C2orf92: variants seen among roughly 807,000 people sequenced by gnomAD.
C2orf92 encodes the protein chromosome 2 open reading frame 92, also known as uncharacterized protein C2orf92.
At chr2:97,693,277 C>T (rs905543844) in intron 5 of C2orf92, among the ~76,000 whole-genome samples, 6 of 152,116 alleles carry the variant, frequency 3.9e-5, no homozygotes, top group Admixed American at 2.6e-4. Context: ...GTAAATAATG[C>T]TGCAATGAAT....
At chr2:97,675,323 CAT>C (rs1045618281) in intron 2 of C2orf92, among the ~76,000 whole-genome samples, 9 of 152,198 alleles carry the variant, frequency 5.9e-5, no homozygotes, top group African/African-American at 1.2e-4. Flanking sequence ...ATTGAGAAAA[CAT>C]ATGAATATTT....
chr2:97,696,687 G>GA (rs756278819), intron 5 of C2orf92, among the ~76,000 whole-genome samples: 5 of 152,322 alleles, frequency 3.3e-5, no homozygotes, highest in South Asian at 4.1e-4. Context: ...GGTGAGCCGA[G>GA]ATGGGGCCAC....
intron 3 of C2orf92, among the ~76,000 whole-genome samples, chr2:97,680,912 C>T (rs1330880292): frequency 1.3e-5 from 2 of 151,542 alleles, no homozygotes; most frequent in African/African-American, 2.4e-5. Context: ...GGAGACAGAG[C>T]GAGACTCCGT....
upstream of C2orf92, chr2:97,666,827 AG>A (rs1675246906): frequency 7.3e-6 from 1 of 137,198 alleles, no homozygotes; most frequent in Non-Finnish European, 1.5e-5. Flanking sequence ...TGGGTGACAG[AG>A]CCAGACTCTG....
intron 3 of C2orf92, among the ~76,000 whole-genome samples, chr2:97,679,093 T>C (rs1675675520): frequency 6.6e-6 from 1 of 151,462 alleles, no homozygotes; most frequent in Admixed American, 6.6e-5. Flanking sequence ...AAACAAAAGC[T>C]GAGAGACCCG....
intron 3 of C2orf92, among the ~76,000 whole-genome samples, chr2:97,679,325 A>G (rs60396173): frequency 1.4e-3 from 214 of 152,332 alleles, no homozygotes; most frequent in African/African-American, 4.7e-3. Context: ...CATACAGTGT[A>G]TAAAGATAGA....
intron 1 of C2orf92, 195 bp from the exon 2 acceptor site, chr2:97,674,261 C>A (rs57183691): frequency 0.022 from 8,502 of 381,192 alleles, 598 homozygotes; most frequent in African/African-American, 0.16. Flanking sequence ...TTTGCTGCCC[C>A]AAATGTCTCA....
At chr2:97,686,669 C>T (rs904531719) in intron 3 of C2orf92, among the ~76,000 whole-genome samples, 3 of 151,978 alleles carry the variant, frequency 2.0e-5, no homozygotes, top group South Asian at 2.1e-4. Flanking sequence ...CTGCCCACCT[C>T]GGCCTCCCAA....
chr2:97,690,142 AAAC>A, intron 4 of C2orf92, 111 bp from the exon 5 acceptor site: 1 of 373,830 alleles, frequency 2.7e-6, no homozygotes, highest in Non-Finnish European at 4.8e-6. Context: ...AGACAAAAAA[AAAC>A]CACAAAAAAA....
At chr2:97,675,510 A>G (rs1201202732) in intron 2 of C2orf92, 1 of 227,962 alleles carries the variant, frequency 4.4e-6, no homozygotes, top group Non-Finnish European at 8.4e-6. Context: ...ATTGGATCAA[A>G]GTGGTTGTAC....
chr2:97,689,034 A>C (rs374003545), intron 4 of C2orf92, 41 bp downstream of exon 4: 1 of 398,206 alleles, frequency 2.5e-6, no homozygotes, highest in South Asian at 1.3e-4. Flanking sequence ...ACACATTTCT[A>C]TAGGCCTATG....
intron 3 of C2orf92, among the ~76,000 whole-genome samples, chr2:97,679,220 T>C (rs1409587557): frequency 6.6e-6 from 1 of 152,132 alleles, no homozygotes; most frequent in African/African-American, 2.4e-5. Flanking sequence ...CTAAAAGTCT[T>C]ATTGTACTTT....
chr2:97,675,526 A>G (rs1675544999), intron 2 of C2orf92: 1 of 255,964 alleles, frequency 3.9e-6, no homozygotes, highest in African/African-American at 2.2e-5. Flanking sequence ...TGTACTTGAA[A>G]TCATTTGCCA....
intron 3 of C2orf92, among the ~76,000 whole-genome samples, chr2:97,678,677 A>G (rs575763464): frequency 1.2e-4 from 19 of 152,100 alleles, no homozygotes; most frequent in Non-Finnish European, 2.4e-4. Flanking sequence ...TGAAAGAAAA[A>G]TAATGTAATC....
At chr2:97,671,136 TTACTAAATTAGTAAGTTAC>T (rs1446539365) in intron 1 of C2orf92, 1 of 172,756 alleles carries the variant, frequency 5.8e-6, no homozygotes, top group Non-Finnish European at 1.2e-5. Flanking sequence ...AACTAATAAA[TTACTAAATTAGTAAGTTAC>T]TAGTAAATTA....
chr2:97,685,272 T>TC (rs1454462365), intron 3 of C2orf92, among the ~76,000 whole-genome samples: 2 of 148,168 alleles, frequency 1.3e-5, no homozygotes, highest in African/African-American at 5.0e-5. Flanking sequence ...TTTCTTTCTT[T>TC]TTTTTTTTTT....
Position 97,690,571 on chromosome 2 carries a change from C to T in C2orf92, c.403+244C>T, listed in dbSNP as rs538047400. 8.6e-4 allele frequency among the ~76,000 whole-genome samples: 131 copies of T among 152,012 alleles called. No individual in the cohort carries two copies. In the Middle Eastern group the frequency reaches 0.02, roughly 24 times the overall value. On this transcript the variant is annotated intron_variant, in intron 5 of 7. Coordinates refer to ENST00000627399, the MANE Select transcript of C2orf92 (RefSeq NM_001351368.2). Reference sequence around the variant, plus strand: ...AATTTTTTGTATTTTTTAGTAGAGACAGGGTTTCACCGTGTTAGCCAGTAT... The same window carrying T: ...AATTTTTTGTATTTTTTAGTAGAGATAGGGTTTCACCGTGTTAGCCAGTAT...
chr2:97,680,573 G>A (rs1461310382), intron 3 of C2orf92, among the ~76,000 whole-genome samples: 2 of 152,172 alleles, frequency 1.3e-5, no homozygotes, highest in African/African-American at 4.8e-5. Flanking sequence ...AAACCACATG[G>A]TTTATGAGAG....
At chr2:97,681,629 C>T (rs974598490) in intron 3 of C2orf92, among the ~76,000 whole-genome samples, 26 of 152,242 alleles carry the variant, frequency 1.7e-4, no homozygotes, top group South Asian at 2.1e-4. Context: ...GAGGCCTAGG[C>T]GGGCGGATCA....
Sources: allele counts gnomAD v4.1 joint callset (sites outside exome capture counted in the v4.1 genomes callset), GRCh38; gene constraint gnomAD v4.1.1; transcripts MANE v1.5; gene names NCBI Gene and HGNC (gene_info 2026-07-23, HGNC 2026-07-21).